The following LIFR variants were observed in gnomAD, a reference collection of about 807,000 sequenced individuals.
LIFR encodes the protein LIF receptor subunit alpha.
In LIFR, 84 loss-of-function variants were observed where a neutral mutation model predicts 122.2. The observed-to-expected ratio is 0.69, with a 90% CI of 0.58 to 0.82. The LOEUF is 0.82. LIFR is among the 40% of genes least tolerant of loss of function. The probability of loss-of-function intolerance (pLI) is 0.00; values close to 1 mark genes in which losing one functional copy is unlikely to be tolerated. For synonymous variants in LIFR, 422 were observed against 434.7 expected (o/e 0.97, Z 0.36); for missense variants, 1,294 against 1,311.6 (o/e 0.99, Z 0.21).
chr5:38,603,361 C>T (rs892617429), intron 2 of LIFR, among the ~76,000 whole-genome samples: 1 of 152,176 alleles, frequency 6.6e-6, no homozygotes, highest in Non-Finnish European at 1.5e-5. Flanking sequence ...AGATACCTTC[C>T]ACCAGTCACA....
intron 1 of LIFR, among the ~76,000 whole-genome samples, chr5:38,555,333 G>A (rs1484078239): frequency 6.6e-6 from 1 of 152,122 alleles, no homozygotes; most frequent in Non-Finnish European, 1.5e-5. Flanking sequence ...CATTCGCGCT[G>A]AAAAAACTCC....
chr5:38,550,380 G>C (rs1220140684), intron 1 of LIFR: 1 of 199,594 alleles, frequency 5.0e-6, no homozygotes, highest in South Asian at 1.7e-4. Flanking sequence ...AAAACTTAAT[G>C]ATACCAGATA....
At chr5:38,504,232 C>A in intron 9 of LIFR, 111 bp from the exon 10 acceptor site, 1 of 721,752 alleles carries the variant, frequency 1.4e-6, no homozygotes, top group Admixed American at 2.2e-5. Context: ...TTAGTGCTGA[C>A]CAACAACATC....
chr5:38,499,568 G>A lies in LIFR; in HGVS notation c.1616C>T (p.Pro539Leu). Residue 539 changes from proline to leucine, a missense_variant, in exon 12 of 20, where the codon CCT (proline) becomes CTT (leucine). Coordinates refer to ENST00000453190, the MANE Select transcript of LIFR (RefSeq NM_001127671.2). ...AGAACTCCACTCTCTCCAAGTATCA[G>A]GCCCCTTTGAAGGACCTAAAAAGGA... ...LTTEASPSKG[P>L]DTWREWSSDG... 1 of 1,607,844 alleles carries A rather than the reference G, an allele frequency of 6.2e-7. No individual in the cohort carries two copies. Among genetic ancestry groups the A allele is most frequent in the Non-Finnish European group, 8.5e-7 (1 of 1,174,376 alleles).
intron 16 of LIFR, among the ~76,000 whole-genome samples, chr5:38,488,575 A>C (rs531328645): frequency 3.3e-5 from 5 of 152,338 alleles, no homozygotes; most frequent in South Asian, 4.1e-4. Flanking sequence ...CCGATTTCCA[A>C]GGATTGTCTG....
intron 18 of LIFR, among the ~76,000 whole-genome samples, chr5:38,484,001 T>C (rs1744138432): frequency 6.6e-6 from 1 of 152,162 alleles, no homozygotes; most frequent in Non-Finnish European, 1.5e-5. Flanking sequence ...CCTCACCTCA[T>C]GTCACTCATT....
chr5:38,579,377 G>A (rs1336118634), intron 1 of LIFR: 4 of 152,084 alleles, frequency 2.6e-5, no homozygotes, highest in African/African-American at 9.7e-5. Flanking sequence ...ACAGGGAGGA[G>A]CAGCCAACAT....
At chr5:38,596,197 C>T (rs949475481), upstream of LIFR, among the ~76,000 whole-genome samples, 3 of 152,144 alleles carry the variant, frequency 2.0e-5, no homozygotes, top group Admixed American at 2.0e-4. Flanking sequence ...CAATGCTCCT[C>T]GAAGCTTGAT....
chr5:38,549,617 G>C (rs907097125), intron 1 of LIFR, among the ~76,000 whole-genome samples: 1 of 151,992 alleles, frequency 6.6e-6, no homozygotes, highest in Non-Finnish European at 1.5e-5. Flanking sequence ...ACGGTGAAAC[G>C]CATCTCTACT....
At chr5:38,533,446 A>G (rs1383985688) in intron 1 of LIFR, among the ~76,000 whole-genome samples, 1 of 152,232 alleles carries the variant, frequency 6.6e-6, no homozygotes, top group Non-Finnish European at 1.5e-5. Context: ...AGTCCTGTCA[A>G]CACGGGCCCC....
chr5:38,597,381 GCCAAAAGGA>G (rs1350218855), upstream of LIFR, among the ~76,000 whole-genome samples: 2 of 152,184 alleles, frequency 1.3e-5, no homozygotes, highest in African/African-American at 4.8e-5. Context: ...GTGAGAGGAT[GCCAAAAGGA>G]CAAGGACTTT....
chr5:38,580,580 C>T (rs527348485), intron 1 of LIFR, among the ~76,000 whole-genome samples: 8 of 152,272 alleles, frequency 5.3e-5, no homozygotes, highest in Non-Finnish European at 1.0e-4. Context: ...TCTGTCTCCA[C>T]CCCACATTGC....
At chr5:38,533,962 T>C (rs1747155769) in intron 1 of LIFR, among the ~76,000 whole-genome samples, 1 of 152,196 alleles carries the variant, frequency 6.6e-6, no homozygotes, top group South Asian at 2.1e-4. Flanking sequence ...AGAAATTAAA[T>C]ACTAAGCTGG....
At chr5:38,508,793 C>T (rs1330432896) in intron 7 of LIFR, among the ~76,000 whole-genome samples, 3 of 151,922 alleles carry the variant, frequency 2.0e-5, no homozygotes, top group East Asian at 3.9e-4. Flanking sequence ...ACCGTGTTAG[C>T]CAGGATGGTC....
In LIFR at chr5:38,496,507, AT is replaced by A; in HGVS notation, c.1759del (p.Ile587SerfsTer21). 6.2e-7 allele frequency: 1 copy of A among 1,613,888 alleles called. No homozygotes were observed. The highest frequency in any genetic ancestry group is 8.5e-7 in the Non-Finnish European group (1 of 1,179,744). ...SDEETQSLSEIPDPQHKAEIR... is the reference protein window; with the variant it reads ...SDEETQSLSEXPDPQHKAEIR... ...CTCTGCTTTGTGCTGAGGATCAGGG[AT>A]TTCAGAAAGGGACTGTGTTTCCTCA... On this transcript the variant is annotated frameshift_variant, in exon 13 of 20. Coordinates refer to ENST00000453190, the MANE Select transcript of LIFR (RefSeq NM_001127671.2). LOFTEE classifies it high-confidence loss of function.
intron 1 of LIFR, among the ~76,000 whole-genome samples, chr5:38,540,815 T>C (rs1739917260): frequency 6.6e-6 from 1 of 152,140 alleles, no homozygotes; most frequent in African/African-American, 2.4e-5. Context: ...ACAAAATACA[T>C]TTGCAAGCCA....
chr5:38,550,252 T>C (rs2112648935), intron 1 of LIFR: 1 of 976,798 alleles, frequency 1.0e-6, no homozygotes, highest in Non-Finnish European at 1.2e-6. Flanking sequence ...TATCCCCATA[T>C]GGCCATAAAT....
At chr5:38,556,753 C>A (rs1206691264), upstream of LIFR, 1 of 145,382 alleles carries the variant, frequency 6.9e-6, no homozygotes, top group Non-Finnish European at 1.5e-5. Context: ...CCCCAACCCG[C>A]GCGCCCCCGC....
At chr5:38,488,672 TTG>T (rs1464327979) in intron 16 of LIFR, among the ~76,000 whole-genome samples, 4 of 152,250 alleles carry the variant, frequency 2.6e-5, no homozygotes, top group Non-Finnish European at 4.4e-5. Flanking sequence ...CAATGGTTTT[TTG>T]TCAAATTACA....
Sources: allele counts gnomAD v4.1 joint callset (sites outside exome capture counted in the v4.1 genomes callset), GRCh38; gene constraint gnomAD v4.1.1; transcripts MANE v1.5; gene names NCBI Gene and HGNC (gene_info 2026-07-23, HGNC 2026-07-21).